Variants in MAPKAP1 observed in about 807,000 individuals in gnomAD.
MAPKAP1 encodes the protein MAPK associated protein 1.
Under a neutral mutation model 65.7 loss-of-function variants are expected in MAPKAP1, and 20 were observed. The observed-to-expected ratio is 0.30, with a 90% CI of 0.21 to 0.44. The LOEUF is 0.44. Among genes scored for constraint, MAPKAP1 ranks in the 20% least tolerant of loss-of-function variants. The pLI, the probability that MAPKAP1 is intolerant of heterozygous loss-of-function variation, is 1.00. For synonymous variants in MAPKAP1, 222 were observed against 244.3 expected, an observed-to-expected ratio of 0.91 and a Z score of 0.85; for missense variants, 423 against 648.0, an observed-to-expected ratio of 0.65 and a Z score of 3.77.
chr9:125,630,316 G>C (rs1215711810), intron 4 of MAPKAP1, among the ~76,000 whole-genome samples: 1 of 151,586 alleles, frequency 6.6e-6, no homozygotes, highest in Non-Finnish European at 1.5e-5. Context: ...TCTTTTTGCA[G>C]ACACAGGGCC....
intron 4 of MAPKAP1, chr9:125,596,047 G>A (rs1268767182): frequency 1.2e-5 from 16 of 1,326,696 alleles, no homozygotes; most frequent in Non-Finnish European, 1.7e-5. Flanking sequence ...TTTGAACAGC[G>A]TGGAAAAACT....
intron 4 of MAPKAP1, among the ~76,000 whole-genome samples, chr9:125,649,640 A>G (rs1833833822): frequency 6.6e-6 from 1 of 151,998 alleles, no homozygotes; most frequent in Admixed American, 6.6e-5. Context: ...CTCTCACCTC[A>G]AAAAGCACTG....
chr9:125,489,823 T>C (rs1448336721), intron 8 of MAPKAP1, among the ~76,000 whole-genome samples: 1 of 151,978 alleles, frequency 6.6e-6, no homozygotes, highest in Middle Eastern at 3.2e-3. Context: ...TTAATAACAT[T>C]AGAAAGAACA....
At chr9:125,456,152 C>CTTT (rs1853154742) in intron 10 of MAPKAP1, among the ~76,000 whole-genome samples, 2 of 130,352 alleles carry the variant, frequency 1.5e-5, no homozygotes, top group African/African-American at 3.0e-5. Context: ...ATGTCTTCTT[C>CTTT]GGCTGCTTTT....
At chr9:125,596,602 A>G in intron 4 of MAPKAP1, 2 of 671,278 alleles carry the variant, frequency 3.0e-6, no homozygotes, top group South Asian at 2.7e-5. Flanking sequence ...TAGCAGCAGT[A>G]GCTACAGCAG....
chr9:125,696,620 C>A (rs368215150), intron 1 of MAPKAP1, among the ~76,000 whole-genome samples: 3,014 of 149,930 alleles, frequency 0.02, 48 homozygotes, highest in Non-Finnish European at 0.032. Flanking sequence ...AAAAAAAAAA[C>A]AAAAAACCTT....
intron 1 of MAPKAP1, among the ~76,000 whole-genome samples, chr9:125,700,051 T>A (rs920921198): frequency 6.6e-6 from 1 of 152,174 alleles, no homozygotes; most frequent in African/African-American, 2.4e-5. Context: ...GGCATTACTG[T>A]CCCCATTTTG....
chr9:125,585,851 G>T, intron 4 of MAPKAP1, 124 bp from the exon 5 acceptor site: 4 of 858,382 alleles, frequency 4.7e-6, no homozygotes, highest in Non-Finnish European at 7.1e-6. Context: ...CTGTGACCAT[G>T]GAATGGTCCC....
intron 1 of MAPKAP1, among the ~76,000 whole-genome samples, chr9:125,675,497 C>G (rs964722728): frequency 6.6e-6 from 1 of 152,196 alleles, no homozygotes; most frequent in African/African-American, 2.4e-5. Flanking sequence ...TCAACAGCAG[C>G]AGATATCTTC....
At chr9:125,538,887 T>C (rs1830153240) in intron 7 of MAPKAP1, among the ~76,000 whole-genome samples, 2 of 152,138 alleles carry the variant, frequency 1.3e-5, no homozygotes, top group South Asian at 2.1e-4. Context: ...TATTTACATT[T>C]TACATGAAAT....
Position 125,637,328 on chromosome 9 carries a change from G to A in MAPKAP1, c.498+20323C>T, listed in dbSNP as rs571409361. ...AGTATAATGTAAATGATGCACAAGCGCAGAAGGAATGAGCAGATAAAAGGT... is the reference window on the plus strand; with the variant it reads ...AGTATAATGTAAATGATGCACAAGCACAGAAGGAATGAGCAGATAAAAGGT... On this transcript the variant is annotated intron_variant, in intron 4 of 11. Transcript: ENST00000265960. 6.1e-4 allele frequency among the ~76,000 whole-genome samples: 92 copies of A among 152,004 alleles called. No homozygotes were observed. The South Asian group carries it at 8.8e-3, about 14-fold the overall frequency.
At chr9:125,451,307 C>T (rs1016595531) in intron 10 of MAPKAP1, among the ~76,000 whole-genome samples, 1 of 152,176 alleles carries the variant, frequency 6.6e-6, no homozygotes, top group South Asian at 2.1e-4. Context: ...ATTCTTGGGT[C>T]CACGTCTCCA....
intron 4 of MAPKAP1, among the ~76,000 whole-genome samples, chr9:125,596,864 G>C (rs1832141377): frequency 1.3e-5 from 2 of 151,066 alleles, no homozygotes; most frequent in African/African-American, 4.9e-5. Flanking sequence ...AAAATGTAAA[G>C]CATTCCAACA....
At chr9:125,453,199 G>A (rs1347550340) in intron 10 of MAPKAP1, among the ~76,000 whole-genome samples, 1 of 152,224 alleles carries the variant, frequency 6.6e-6, no homozygotes, top group African/African-American at 2.4e-5. Context: ...CTGGGCTACA[G>A]GGGTGCAACA....
chr9:125,594,713 T>TTTATGTAATTCA (rs1832074349), intron 4 of MAPKAP1, among the ~76,000 whole-genome samples: 1 of 152,130 alleles, frequency 6.6e-6, no homozygotes, highest in African/African-American at 2.4e-5. Context: ...CCCCACACTC[T>TTTATGTAATTCA]CTCATTCAGC....
At chr9:125,508,186 T>G (rs1393244686) in intron 7 of MAPKAP1, among the ~76,000 whole-genome samples, 1 of 152,164 alleles carries the variant, frequency 6.6e-6, no homozygotes, top group Non-Finnish European at 1.5e-5. Context: ...AAAAAAGTGT[T>G]AAGTAAATCA....
At chr9:125,485,871 T>C (rs756934590) in intron 8 of MAPKAP1, among the ~76,000 whole-genome samples, 1 of 152,238 alleles carries the variant, frequency 6.6e-6, no homozygotes, top group Non-Finnish European at 1.5e-5. Context: ...TTTCAGTTTT[T>C]GCCATTCACA....
chr9:125,539,825 G>C (rs748160863), intron 7 of MAPKAP1, among the ~76,000 whole-genome samples: 1 of 152,034 alleles, frequency 6.6e-6, no homozygotes, highest in African/African-American at 2.4e-5. Flanking sequence ...TGCCAATGCA[G>C]GTACATTCCA....
chr9:125,675,872 TA>T (rs1700269881), intron 1 of MAPKAP1, among the ~76,000 whole-genome samples: 1 of 152,200 alleles, frequency 6.6e-6, no homozygotes, highest in African/African-American at 2.4e-5. Flanking sequence ...TTTTTCGTAA[TA>T]CAAGAGCATC....
Sources: gnomAD v4.1 joint callset for allele counts (sites outside exome capture counted in the v4.1 genomes callset) on GRCh38, gnomAD v4.1.1 for gene constraint, MANE v1.5 for transcripts, NCBI Gene and HGNC (gene_info 2026-07-23, HGNC 2026-07-21) for gene names.